The following CHD8 variants were observed in gnomAD, a reference collection of about 807,000 sequenced individuals.
The protein encoded by CHD8 is chromodomain helicase DNA binding protein 8, also known as ATP-dependent chromatin remodeler CHD8.
A neutral mutation model predicts 279.2 loss-of-function variants in CHD8; 31 were observed. That is an observed-to-expected ratio of 0.11 (90% confidence interval 0.08 to 0.15). The LOEUF (loss-of-function observed/expected upper bound fraction) is 0.15, where lower values mean the gene tolerates loss of function less well. CHD8 is among the 10% of genes least tolerant of loss of function. The pLI is 1.00. For missense variants in CHD8, 2,146 were observed against 3,230.5 expected, an observed-to-expected ratio of 0.66 and a Z score of 8.14; for synonymous variants, 1,081 against 1,139.6, an observed-to-expected ratio of 0.95 and a Z score of 1.04.
At position 21,415,895 on chromosome 14, in the gene CHD8, T is replaced by C; in HGVS notation, c.1729A>G (p.Asn577Asp). 1 of 1,613,594 alleles carries C rather than the reference T, an allele frequency of 6.2e-7. No homozygotes were observed. Among genetic ancestry groups the C allele is most frequent in the African/African-American group, 1.3e-5 (1 of 74,972 alleles). The change falls in exon 6 of 38, where the codon AAC (asparagine) becomes GAC (aspartate). Residue 577 changes from asparagine to aspartate, a missense_variant. By Grantham distance (23) the Asn-to-Asp change is conservative. Around this residue, in one of 26 missense-constraint regions of CHD8, gnomAD observed 123 missense variants for 169.2 expected, o/e 0.73. Coordinates refer to ENST00000646647, the MANE Select transcript of CHD8 (RefSeq NM_001170629.2). ...TATTTTTTTCGCTTAACTTGGCGGT[T>C]TGAGCGTCTCTTCTGTAGAGCAAAA... The part of the protein sequence containing the change: ...EESSIQKRRS[N>D]RQVKRKKYTE...
intron 37 of CHD8, 141 bp from the exon 38 acceptor site, chr14:21,386,317 C>T (rs1480348892): frequency 1.4e-6 from 1 of 726,078 alleles, no homozygotes; most frequent in African/African-American, 1.8e-5. Context: ...CGATACTAGG[C>T]TTGATTGGTG....
intron 1 of CHD8, among the ~76,000 whole-genome samples, chr14:21,449,009 C>G (rs1198388939): frequency 1.3e-5 from 2 of 151,588 alleles, no homozygotes; most frequent in African/African-American, 4.8e-5. Context: ...CCCATCTCTA[C>G]TAAAAATACA....
chr14:21,414,720 T>C (rs1293956065), intron 8 of CHD8: 1 of 607,218 alleles, frequency 1.6e-6, no homozygotes, highest in African/African-American at 1.9e-5. Flanking sequence ...CATGACATTT[T>C]ATCAGGAACC....
intron 1 of CHD8, among the ~76,000 whole-genome samples, chr14:21,440,347 CA>C (rs1475888107): frequency 1.3e-5 from 2 of 152,206 alleles, no homozygotes; most frequent in African/African-American, 4.8e-5. Context: ...GCTGGGATTA[CA>C]GGCGTCCACC....
intron 16 of CHD8, among the ~76,000 whole-genome samples, chr14:21,404,231 C>G (rs1888162284): frequency 6.6e-6 from 1 of 151,858 alleles, no homozygotes; most frequent in East Asian, 1.9e-4. Context: ...AACCCTGTCT[C>G]TACTAAAAAT....
chr14:21,428,876 C>T lies in CHD8; in HGVS notation c.1215+88G>A, dbSNP rs143808693. ...GAGATATAAATCTAGAATGGCCCCA[C>T]ATTCAAGAATAAGTGGTTGCTGAGG... On this transcript the variant is annotated intron_variant, in intron 3 of 37. Transcript: ENST00000646647. 399 of 1,235,758 alleles carry T rather than the reference C, an allele frequency of 3.2e-4. 2 individuals are homozygous for T. The African/African-American group carries it at 4.4e-3, about 14-fold the overall frequency. The allele number at this position is 1,235,758 out of a possible 1,614,324, so 76.5% of individuals were successfully genotyped here. A position where few individuals can be genotyped will look rare whatever the true frequency, so the allele number is the denominator to read the frequency against.
chr14:21,410,255 C>T (rs989073962), intron 10 of CHD8, among the ~76,000 whole-genome samples: 2 of 151,866 alleles, frequency 1.3e-5, no homozygotes, highest in African/African-American at 4.8e-5. Flanking sequence ...AAAACATGCT[C>T]GTCAACTAAA....
chr14:21,386,609 G>A (rs934297609), intron 37 of CHD8, among the ~76,000 whole-genome samples: 1 of 151,728 alleles, frequency 6.6e-6, no homozygotes, highest in East Asian at 1.9e-4. Context: ...AGGCCGAGGC[G>A]GGGGAATCAC....
Position 21,392,499 on chromosome 14 carries a change from G to A in CHD8, c.6771+8C>T, listed in dbSNP as rs894725097. The A allele has an allele frequency of 6.2e-7, 1 of 1,607,228 alleles. No individual in the cohort carries two copies. The stretch of plus-strand genomic sequence containing the variant: ...CCCCACTTCCCAATGCCCAAATGCT[G>A]AGCTTACATCTTTGATTTGAACTGT... On this transcript the variant is annotated splice_region_variant and intron_variant, in intron 34 of 37. Transcript: ENST00000646647.
chr14:21,389,824 C>T (rs1441105220), intron 37 of CHD8, among the ~76,000 whole-genome samples: 1 of 152,126 alleles, frequency 6.6e-6, no homozygotes, highest in Non-Finnish European at 1.5e-5. Context: ...AAAACAGTTT[C>T]CTCTGCTTTT....
intron 1 of CHD8, among the ~76,000 whole-genome samples, chr14:21,449,783 T>C (rs1021631194): frequency 3.9e-5 from 6 of 152,244 alleles, no homozygotes; most frequent in Non-Finnish European, 1.5e-5. Flanking sequence ...CTGACTAGAC[T>C]GTCCCTTGGT....
chr14:21,399,244 A>C (rs1887928781), intron 26 of CHD8: 1 of 295,850 alleles, frequency 3.4e-6, no homozygotes, highest in African/African-American at 2.2e-5. Flanking sequence ...CATCCAGAGG[A>C]AAGTCATATA....
chr14:21,413,098 T>G, intron 9 of CHD8, 102 bp from the exon 10 acceptor site: 1 of 728,042 alleles, frequency 1.4e-6, no homozygotes, highest in Non-Finnish European at 2.4e-6. Context: ...TCAAAATTTT[T>G]AAAGAAATTA....
chr14:21,417,851 C>CAA (rs59449804), intron 5 of CHD8, among the ~76,000 whole-genome samples: 161 of 116,042 alleles, frequency 1.4e-3, no homozygotes, highest in African/African-American at 5.4e-3. Flanking sequence ...GAGACTCTCT[C>CAA]AAAAAAAAAA....
chr14:21,403,259 G>T lies in CHD8; in HGVS notation c.3519-47C>A. The T allele has an allele frequency of 6.4e-7, 1 of 1,573,974 alleles. No homozygotes were observed. The highest frequency in any genetic ancestry group is 1.1e-5 in the South Asian group (1 of 88,300). On this transcript the variant is annotated intron_variant, in intron 17 of 37. Coordinates refer to ENST00000646647, the MANE Select transcript of CHD8 (RefSeq NM_001170629.2). The surrounding 1 kb of genome is among the most constrained non-coding windows in gnomAD (Gnocchi z 4.3). ...AAAATGTAAGTGGCTAAGCAGAAGT[G>T]GAGACCAAAACAGCAGGCTAGGATC...
In CHD8 at chr14:21,408,452, C is replaced by T; in HGVS notation, c.2590G>A (p.Val864Ile). The T allele has an allele frequency of 6.2e-7, 1 of 1,613,892 alleles. No individual in the cohort carries two copies. The highest frequency in any genetic ancestry group is 8.5e-7 in the Non-Finnish European group (1 of 1,179,864). The change falls in exon 13 of 38, where the codon GTC (valine) becomes ATC (isoleucine). Residue 864 changes from valine (V) to isoleucine (I), a missense_variant. Val to Ile is a conservative substitution (Grantham distance 29). Transcript: ENST00000646647. This position sits in a 1 kb window ranked among gnomAD's most constrained non-coding sequence, Gnocchi z 4.3. ...GTAATTGTGGACAGTGGGGCAATGA[C>T]CAAGAAGGGACCATGGATGCCCACA... ...YNVGIHGPFLVIAPLSTITNW... is the reference protein window; with the variant it reads ...YNVGIHGPFLIIAPLSTITNW...
chr14:21,412,691 T>C (rs1462198973), intron 10 of CHD8, among the ~76,000 whole-genome samples: 2 of 152,194 alleles, frequency 1.3e-5, no homozygotes, highest in Admixed American at 6.5e-5. Flanking sequence ...GACTTTTCAG[T>C]ACTTAGCCTC....
chr14:21,435,949 A>G (rs1037532386), intron 1 of CHD8, among the ~76,000 whole-genome samples: 1 of 152,216 alleles, frequency 6.6e-6, no homozygotes, highest in Non-Finnish European at 1.5e-5. Context: ...ACTGTTTATG[A>G]TGGATGAGAA....
At position 21,399,720 on chromosome 14, in the gene CHD8, G is replaced by A. The variant is rs781024323; in HGVS notation, c.4818-15C>T. 9.1e-6 allele frequency: 14 copies of A among 1,538,370 alleles called. No homozygotes were observed. Among genetic ancestry groups the A allele is most frequent in the Non-Finnish European group, 1.3e-5 (14 of 1,111,228 alleles). On this transcript the variant is annotated splice_polypyrimidine_tract_variant and intron_variant, in intron 25 of 37. Transcript: ENST00000646647. ...TGTCAATCTCACTAAAGGTATAAGA[G>A]GGCAGAGTCAGCACAGAAATGCAGG...
Sources: gnomAD v4.1 joint callset for allele counts (sites outside exome capture counted in the v4.1 genomes callset) on GRCh38, gnomAD v4.1.1 for gene constraint, gnomAD v4.1.1 regional missense constraint, Gnocchi (gnomAD v3.1) non-coding constraint, MANE v1.5 for transcripts, NCBI Gene and HGNC (gene_info 2026-07-23, HGNC 2026-07-21) for gene names.